The following SCN8A variants were observed in gnomAD, a reference collection of about 807,000 sequenced individuals.
SCN8A encodes sodium voltage-gated channel alpha subunit 8.
A neutral mutation model predicts 184.1 loss-of-function variants in SCN8A; 30 were observed. The ratio of observed to expected loss-of-function variants is 0.16; its 90% CI spans 0.12 to 0.22. SCN8A has a LOEUF of 0.22. SCN8A is among the 10% of genes least tolerant of loss of function. The pLI, the probability that SCN8A is intolerant of heterozygous loss-of-function variation, is 1.00. For synonymous variants in SCN8A, 852 were observed against 907.0 expected (o/e 0.94, Z 1.09); for missense variants, 1,057 against 2,498.9 (o/e 0.42, Z 12.30).
intron 13 of SCN8A, among the ~76,000 whole-genome samples, chr12:51,749,379 A>G (rs1942561433): frequency 6.6e-6 from 1 of 152,228 alleles, no homozygotes; most frequent in East Asian, 1.9e-4. Flanking sequence ...GTCAACTGTC[A>G]TAAATGTGAG....
intron 1 of SCN8A, among the ~76,000 whole-genome samples, chr12:51,614,335 T>C (rs1939785949): frequency 6.6e-6 from 1 of 152,146 alleles, no homozygotes; most frequent in Non-Finnish European, 1.5e-5. Context: ...CATTATTTAG[T>C]GTCTCTATCC....
At chr12:51,768,568 A>G (rs1396302389) in intron 16 of SCN8A, among the ~76,000 whole-genome samples, 1 of 152,156 alleles carries the variant, frequency 6.6e-6, no homozygotes, top group Non-Finnish European at 1.5e-5. Flanking sequence ...TCCAAAATGG[A>G]TACAGCCTTT....
intron 11 of SCN8A, among the ~76,000 whole-genome samples, chr12:51,720,694 T>C (rs1455916102): frequency 6.6e-6 from 1 of 152,094 alleles, no homozygotes; most frequent in Non-Finnish European, 1.5e-5. Context: ...CTAAAAGGCT[T>C]GAAGGCCACT....
chr12:51,748,774 G>C (rs960471463), intron 13 of SCN8A, among the ~76,000 whole-genome samples: 4 of 152,122 alleles, frequency 2.6e-5, no homozygotes, highest in African/African-American at 7.2e-5. Flanking sequence ...AGCCTTTCCT[G>C]TGTGGCAGTA....
intron 1 of SCN8A, among the ~76,000 whole-genome samples, chr12:51,613,616 T>C (rs1939770196): frequency 6.6e-6 from 1 of 152,138 alleles, no homozygotes; most frequent in Non-Finnish European, 1.5e-5. Flanking sequence ...TTCTTTATTT[T>C]CTTTCTTCTG....
rs1054898066 is a variant in SCN8A at position 51,662,805 on chromosome 12, GC to G, written c.-12del. On this transcript the variant is annotated 5_prime_UTR_variant, in exon 2 of 27. Coordinates refer to ENST00000627620, the MANE Select transcript of SCN8A (RefSeq NM_001330260.2). ...ACGCAGCATAACTAACGAAGCTGCT[GC>G]AGGATGAGAAGATGGCAGCGCGGCT... The G allele has an allele frequency of 1.2e-6, 2 of 1,612,286 alleles. No homozygotes were observed. The highest frequency in any genetic ancestry group is 2.7e-5 in the African/African-American group (2 of 74,840).
At chr12:51,702,321 CAAAAAAAA>C (rs747855764) in intron 8 of SCN8A, among the ~76,000 whole-genome samples, 4 of 76,602 alleles carry the variant, frequency 5.2e-5, no homozygotes, top group Non-Finnish European at 8.5e-5. Context: ...GACTCTGTAT[CAAAAAAAA>C]AAAAAAAAAA....
At chr12:51,775,806 C>G (rs896764820) in intron 20 of SCN8A, among the ~76,000 whole-genome samples, 2 of 152,192 alleles carry the variant, frequency 1.3e-5, no homozygotes, top group Non-Finnish European at 2.9e-5. Context: ...CAAACTGGTA[C>G]TCCCAGCTGC....
At chr12:51,691,701 A>G (rs1448394463) in intron 6 of SCN8A, among the ~76,000 whole-genome samples, 2 of 152,178 alleles carry the variant, frequency 1.3e-5, no homozygotes, top group Non-Finnish European at 2.9e-5. Context: ...TAGTAAAGCG[A>G]ATAATAGATC....
At chr12:51,653,663 T>A (rs1488624479) in intron 1 of SCN8A, among the ~76,000 whole-genome samples, 1 of 152,232 alleles carries the variant, frequency 6.6e-6, no homozygotes, top group Non-Finnish European at 1.5e-5. Context: ...AAATATCTTT[T>A]TGAGTTCCTG....
chr12:51,619,462 C>A (rs886774544), intron 1 of SCN8A, among the ~76,000 whole-genome samples: 3 of 152,044 alleles, frequency 2.0e-5, no homozygotes, highest in Non-Finnish European at 4.4e-5. Flanking sequence ...TGATGTGTGT[C>A]CATTTAAAAC....
chr12:51,608,424 T>C (rs560016175), intron 1 of SCN8A, among the ~76,000 whole-genome samples: 1 of 152,150 alleles, frequency 6.6e-6, no homozygotes, highest in African/African-American at 2.4e-5. Context: ...CTGCTTGTTA[T>C]TGGTCTGTTC....
chr12:51,781,807 A>G (rs867830666), intron 21 of SCN8A, among the ~76,000 whole-genome samples: 7 of 152,226 alleles, frequency 4.6e-5, no homozygotes, highest in Middle Eastern at 3.2e-3. Flanking sequence ...TGTTGAATAC[A>G]TGCAGGAGAG....
chr12:51,634,458 C>G (rs1008327522), intron 1 of SCN8A, among the ~76,000 whole-genome samples: 1 of 152,002 alleles, frequency 6.6e-6, no homozygotes, highest in Non-Finnish European at 1.5e-5. Flanking sequence ...AACAAATCAA[C>G]TGTAATAAAA....
intron 13 of SCN8A, among the ~76,000 whole-genome samples, chr12:51,748,396 A>G (rs564495150): frequency 3.3e-5 from 5 of 152,252 alleles, no homozygotes; most frequent in Middle Eastern, 3.4e-3. Context: ...CCCCATTCCT[A>G]TTGCAAACAT....
chr12:51,766,308 G>A, intron 16 of SCN8A: 1 of 484,864 alleles, frequency 2.1e-6, no homozygotes, highest in South Asian at 2.4e-5. Context: ...TAAATATAGG[G>A]CTTGTATTTG....
chr12:51,604,697 T>C (rs937994286), intron 1 of SCN8A, among the ~76,000 whole-genome samples: 4 of 152,080 alleles, frequency 2.6e-5, no homozygotes, highest in African/African-American at 9.7e-5. Flanking sequence ...CTGGCTAATT[T>C]TGTATTTTTC....
At chr12:51,626,799 TATTAA>T (rs1940088252) in intron 1 of SCN8A, among the ~76,000 whole-genome samples, 1 of 150,428 alleles carries the variant, frequency 6.6e-6, no homozygotes, top group East Asian at 1.9e-4. Context: ...TATTTATTTA[TATTAA>T]ATTATTAATT....
intron 9 of SCN8A, among the ~76,000 whole-genome samples, chr12:51,703,629 C>A (rs1276678535): frequency 6.6e-6 from 1 of 152,160 alleles, no homozygotes; most frequent in African/African-American, 2.4e-5. Flanking sequence ...CTGGACAAGT[C>A]ATTTAACTTT....
Sources: gnomAD v4.1 joint callset for allele counts (sites outside exome capture counted in the v4.1 genomes callset) on GRCh38, gnomAD v4.1.1 for gene constraint, MANE v1.5 for transcripts, NCBI Gene and HGNC (gene_info 2026-07-23, HGNC 2026-07-21) for gene names.